The following NSUN6 variants were observed in gnomAD, a reference collection of about 807,000 sequenced individuals.
The protein encoded by NSUN6 is tRNA (cytosine(72)-C(5))-methyltransferase NSUN6.
In NSUN6, 64 loss-of-function variants were observed where a neutral mutation model predicts 58.0. The ratio of observed to expected loss-of-function variants is 1.10; its 90% CI spans 0.90 to 1.36. The LOEUF is 1.36. NSUN6 is among the 40% of genes most tolerant of loss of function. The pLI is 0.00. For missense variants in NSUN6, 701 were observed against 550.1 expected, an observed-to-expected ratio of 1.27 and a Z score of -2.74; for synonymous variants, 231 against 193.9, an observed-to-expected ratio of 1.19 and a Z score of -1.59.
At chr10:18,563,381 G>A (rs189015398) in intron 8 of NSUN6, among the ~76,000 whole-genome samples, 59 of 151,236 alleles carry the variant, frequency 3.9e-4, no homozygotes, top group African/African-American at 1.3e-3. Context: ...GAATGGAACG[G>A]AGAATGGTAT....
At chr10:18,600,665 T>C (rs545595048) in intron 6 of NSUN6, among the ~76,000 whole-genome samples, 3 of 151,954 alleles carry the variant, frequency 2.0e-5, no homozygotes, top group African/African-American at 7.2e-5. Context: ...CAGTGGCTCA[T>C]GCCTGTGATC....
intron 8 of NSUN6, among the ~76,000 whole-genome samples, chr10:18,573,799 G>A (rs4748488): frequency 0.35 from 52,588 of 151,954 alleles, 9,697 homozygotes; most frequent in East Asian, 0.73. Flanking sequence ...GAAGAATAAG[G>A]TGTGAACAAA....
chr10:18,652,270 C>G, upstream of NSUN6: 1 of 984,108 alleles, frequency 1.0e-6, no homozygotes, highest in Non-Finnish European at 1.2e-6. Flanking sequence ...ATTCAAAGAA[C>G]GAGGATATCT....
chr10:18,551,291 T>TGTGTGTGTGTGTGTGG (rs1230236829), intron 9 of NSUN6, among the ~76,000 whole-genome samples: 11 of 148,890 alleles, frequency 7.4e-5, no homozygotes, highest in African/African-American at 2.7e-4. Flanking sequence ...TGTGTGTGTG[T>TGTGTGTGTGTGTGTGG]GGTAAAATAT....
At chr10:18,642,689 G>C (rs2059424571) in intron 2 of NSUN6, 134 bp from the exon 3 acceptor site, 1 of 503,576 alleles carries the variant, frequency 2.0e-6, no homozygotes, top group African/African-American at 2.0e-5. Context: ...TATTCCACGG[G>C]ATACTGTAAA....
At chr10:18,585,234 C>G (rs184564562) in intron 8 of NSUN6, among the ~76,000 whole-genome samples, 1 of 152,126 alleles carries the variant, frequency 6.6e-6, no homozygotes, top group African/African-American at 2.4e-5. Context: ...TAAATTAGTA[C>G]AGCCATTATG....
At chr10:18,656,123 T>C (rs1433393480), upstream of NSUN6, among the ~76,000 whole-genome samples, 1 of 152,168 alleles carries the variant, frequency 6.6e-6, no homozygotes, top group African/African-American at 2.4e-5. Flanking sequence ...GGTCTCTCAA[T>C]AGATATTTAC....
In NSUN6 at chr10:18,596,288, G is replaced by C; in HGVS notation, c.697C>G (p.Gln233Glu). 1 of 1,598,990 alleles carries C rather than the reference G, an allele frequency of 6.3e-7. No homozygotes were observed. Among genetic ancestry groups the C allele is most frequent in the Non-Finnish European group, 8.6e-7 (1 of 1,166,202 alleles). Residue 233 changes from glutamine (Q) to glutamate (E), a missense_variant, in exon 7 of 11, where the codon CAA becomes GAA. Gln to Glu is a conservative substitution (Grantham distance 29). Coordinates refer to ENST00000377304, the MANE Select transcript of NSUN6 (RefSeq NM_182543.5). ...AAGTCTAGAATCTTCTCTCCAGGTT[G>C]AGGATTTAGTACATGACTTACTAAG... ...SALVSHVLNP[Q>E]PGEKILDLCA...
chr10:18,649,759 G>A (rs2059650974), intron 1 of NSUN6, among the ~76,000 whole-genome samples: 1 of 152,072 alleles, frequency 6.6e-6, no homozygotes, highest in Non-Finnish European at 1.5e-5. Flanking sequence ...AAAGAAAGAC[G>A]TTTGGATCTT....
At chr10:18,604,697 A>G (rs1213800328) in intron 6 of NSUN6, among the ~76,000 whole-genome samples, 1 of 151,722 alleles carries the variant, frequency 6.6e-6, no homozygotes, top group Non-Finnish European at 1.5e-5. Context: ...CAGCCTGGCC[A>G]ACATATAGTG....
rs75934939 is a variant in NSUN6 at position 18,635,373 on chromosome 10, C to G, written c.311+7103G>C. On this transcript the variant is annotated intron_variant, in intron 3 of 10. Transcript: ENST00000377304. ...CTGTGAGTCTTAGCCAATCACTAAACCTGAGGGCTGTCTTGGGAATCTCTG... is the reference window on the plus strand; with the variant it reads ...CTGTGAGTCTTAGCCAATCACTAAAGCTGAGGGCTGTCTTGGGAATCTCTG... Among the ~76,000 whole-genome samples the G allele has an allele frequency of 4.6e-3, 700 of 152,284 alleles. 8 individuals are homozygous for G. The highest frequency in any genetic ancestry group is 0.016 in the African/African-American group (657 of 41,556).
At chr10:18,643,662 A>C (rs1467483110) in intron 2 of NSUN6, among the ~76,000 whole-genome samples, 1 of 151,902 alleles carries the variant, frequency 6.6e-6, no homozygotes, top group Non-Finnish European at 1.5e-5. Context: ...ATTCCACCTC[A>C]ATCAATCAAA....
chr10:18,553,901 A>AGAATG (rs199499418), intron 8 of NSUN6, among the ~76,000 whole-genome samples: 197 of 150,986 alleles, frequency 1.3e-3, no homozygotes, highest in African/African-American at 4.3e-3. Flanking sequence ...AATGAGATGG[A>AGAATG]GAATGGAATG....
chr10:18,607,215 C>G (rs1590045874), intron 6 of NSUN6, among the ~76,000 whole-genome samples: 1 of 152,148 alleles, frequency 6.6e-6, no homozygotes, highest in African/African-American at 2.4e-5. Flanking sequence ...TGCCTGAAAA[C>G]AAAGGCAACT....
intron 5 of NSUN6, among the ~76,000 whole-genome samples, chr10:18,614,055 T>G (rs891399440): frequency 4.6e-5 from 7 of 152,126 alleles, no homozygotes; most frequent in Admixed American, 6.6e-5. Flanking sequence ...CTGGTAAAAT[T>G]TATTTTTAAT....
intron 3 of NSUN6, among the ~76,000 whole-genome samples, chr10:18,630,689 C>G (rs1179681805): frequency 6.6e-6 from 1 of 152,132 alleles, no homozygotes; most frequent in African/African-American, 2.4e-5. Flanking sequence ...CATACATTAT[C>G]CCAAGACTAA....
intron 8 of NSUN6, 53 bp from the exon 9 acceptor site, chr10:18,552,024 G>T: frequency 1.9e-6 from 2 of 1,055,314 alleles, no homozygotes; most frequent in Non-Finnish European, 1.4e-6. Flanking sequence ...GTTTAAACTA[G>T]AAAACTCCTG....
At position 18,548,146 on chromosome 10, in the gene NSUN6, A is replaced by C. The variant is rs1204909107; in HGVS notation, c.1163T>G (p.Leu388Arg). The C allele has an allele frequency of 6.2e-7, 1 of 1,613,776 alleles. No individual in the cohort carries two copies. The highest frequency in any genetic ancestry group is 8.5e-7 in the Non-Finnish European group (1 of 1,179,836). ...AAGCTGAAGGCAAGGAAATTTTGTC[A>C]GGGCCCAGGCAACCTGTTCTTCATT... The part of the protein sequence containing the change: ...AENEEQVAWA[L>R]TKFPCLQLQP... Residue 388 changes from leucine to arginine, a missense_variant, in exon 10 of 11, where the codon CTG becomes CGG. Leu to Arg is a moderately radical substitution (Grantham distance 102). Coordinates refer to ENST00000377304, the MANE Select transcript of NSUN6 (RefSeq NM_182543.5).
intron 3 of NSUN6, among the ~76,000 whole-genome samples, chr10:18,620,329 C>T (rs527521803): frequency 1.4e-4 from 22 of 152,156 alleles, no homozygotes; most frequent in Admixed American, 2.6e-4. Context: ...CTTCGTGATC[C>T]GCCCGCCTCG....
Sources: gnomAD v4.1 joint callset for allele counts (sites outside exome capture counted in the v4.1 genomes callset) on GRCh38, gnomAD v4.1.1 for gene constraint, MANE v1.5 for transcripts, NCBI Gene and HGNC (gene_info 2026-07-23, HGNC 2026-07-21) for gene names.